The following NRG4 variants were observed in gnomAD, a reference collection of about 807,000 sequenced individuals.
The protein encoded by NRG4 is neuregulin 4, also known as pro-neuregulin-4, membrane-bound isoform.
NRG4 carries 10 observed loss-of-function variants against 15.0 expected under a neutral mutation model. That is an observed-to-expected ratio of 0.67 (90% CI 0.41 to 1.13). The LOEUF (loss-of-function observed/expected upper bound fraction) is 1.13, where lower values mean the gene tolerates loss of function less well. Ranked by LOEUF, NRG4 falls within the 50% of genes most tolerant of loss-of-function variation. The pLI is 0.00. For missense variants in NRG4, 139 were observed against 140.2 expected, an observed-to-expected ratio of 0.99 and a Z score of 0.04; for synonymous variants, 41 against 50.1, an observed-to-expected ratio of 0.82 and a Z score of 0.77.
In NRG4 at chr15:75,941,927, A is replaced by C. The variant is rs1236739227; in HGVS notation, c.*1711T>G. Reference sequence around the variant, plus strand: ...TCTTACGTACATTTTGCCACAGTAAATTTTTAAACCACCAAAAAAAAAAAA... The same window carrying C: ...TCTTACGTACATTTTGCCACAGTAACTTTTTAAACCACCAAAAAAAAAAAA... On this transcript the variant is annotated 3_prime_UTR_variant, in exon 6 of 6. Transcript: ENST00000394907. 1 of 91,776 alleles carries C rather than the reference A, an allele frequency of 1.1e-5. No homozygotes were observed. Among genetic ancestry groups the C allele is most frequent in the Non-Finnish European group, 2.1e-5 (1 of 48,608 alleles). 5.7% of individuals were successfully genotyped at this position (91,776 alleles called of 1,614,324 possible).
chr15:75,952,543 T>C lies in NRG4; in HGVS notation c.331+3389A>G, dbSNP rs1335514206. Reference sequence around the variant, plus strand: ...TATTATAAATAATGCTGCTATGTGCTACGAACATTCATGTGCATTTTTTTT... The same window carrying C: ...TATTATAAATAATGCTGCTATGTGCCACGAACATTCATGTGCATTTTTTTT... On this transcript the variant is annotated intron_variant, in intron 5 of 5. Transcript: ENST00000394907. 2.0e-5 allele frequency among the ~76,000 whole-genome samples: 3 copies of C among 150,542 alleles called. No homozygotes were observed. The East Asian group carries it at 5.9e-4, about 30-fold the overall frequency.
At chr15:76,053,806 C>T (rs932309376) in intron 2 of NRG4, among the ~76,000 whole-genome samples, 1 of 150,956 alleles carries the variant, frequency 6.6e-6, no homozygotes, top group African/African-American at 2.5e-5. Context: ...TCTGGGATTA[C>T]AGGCGTGAGC....
At chr15:76,047,963 C>A (rs2141961236) in intron 4 of NRG4, among the ~76,000 whole-genome samples, 1 of 149,582 alleles carries the variant, frequency 6.7e-6, no homozygotes, top group Admixed American at 6.6e-5. Flanking sequence ...CAAGACCAGC[C>A]TGGGCAACAT....
At chr15:76,028,031 G>T (rs1217219581) in intron 5 of NRG4, among the ~76,000 whole-genome samples, 1 of 151,688 alleles carries the variant, frequency 6.6e-6, no homozygotes, top group Non-Finnish European at 1.5e-5. Context: ...CAGTATTAAG[G>T]GGCAAGTTTA....
At chr15:76,052,142 C>A (rs1047614470) in exon 4 of NRG4, 1 of 151,004 alleles carries the variant, frequency 6.6e-6, no homozygotes, top group African/African-American at 2.5e-5. Context: ...TTATGGTTCA[C>A]CACTATTTCT....
chr15:75,980,181 G>T (rs1349562451), intron 3 of NRG4, among the ~76,000 whole-genome samples: 1 of 152,026 alleles, frequency 6.6e-6, no homozygotes, highest in Non-Finnish European at 1.5e-5. Context: ...TAGTATAAAA[G>T]TTCATTTCAG....
At chr15:75,985,087 TG>T (rs1307263861) in intron 3 of NRG4, among the ~76,000 whole-genome samples, 1 of 152,104 alleles carries the variant, frequency 6.6e-6, no homozygotes, top group African/African-American at 2.4e-5. Flanking sequence ...TCAAGTGGTC[TG>T]CTTGCCTCAG....
At chr15:75,966,135 CA>C (rs141338540) in intron 3 of NRG4, among the ~76,000 whole-genome samples, 37,260 of 151,926 alleles carry the variant, frequency 0.25, 5,453 homozygotes, top group Non-Finnish European at 0.33. Context: ...CTCCCAAACA[CA>C]GAAGCTACGT....
chr15:75,989,340 G>A (rs2033920919), intron 3 of NRG4, among the ~76,000 whole-genome samples: 1 of 152,052 alleles, frequency 6.6e-6, no homozygotes, highest in African/African-American at 2.4e-5. Flanking sequence ...CATGTAGCGT[G>A]GCCTACCGAT....
intron 3 of NRG4, among the ~76,000 whole-genome samples, chr15:75,997,371 T>C (rs903721205): frequency 6.6e-6 from 1 of 152,072 alleles, no homozygotes; most frequent in Non-Finnish European, 1.5e-5. Context: ...TTTTAGTGAT[T>C]GAAATTTCCA....
At chr15:75,955,581 T>G (rs2032186386) in intron 5 of NRG4, among the ~76,000 whole-genome samples, 2 of 152,192 alleles carry the variant, frequency 1.3e-5, no homozygotes, top group Admixed American at 6.5e-5. Flanking sequence ...TCCCAAAGAT[T>G]TGCTGATCTT....
chr15:75,963,157 T>C (rs892704002), intron 3 of NRG4, among the ~76,000 whole-genome samples: 31 of 152,166 alleles, frequency 2.0e-4, no homozygotes, highest in African/African-American at 7.5e-4. Flanking sequence ...TAGATGAGCA[T>C]ATTAAAGATG....
intron 4 of NRG4, among the ~76,000 whole-genome samples, chr15:76,042,265 AAAAG>A (rs2035759935): frequency 6.6e-6 from 1 of 152,120 alleles, no homozygotes; most frequent in Non-Finnish European, 1.5e-5. Context: ...TGAAGCATCT[AAAAG>A]AAATAGAAAA....
intron 5 of NRG4, among the ~76,000 whole-genome samples, chr15:75,955,367 T>C (rs1056388126): frequency 6.6e-6 from 1 of 152,186 alleles, no homozygotes; most frequent in African/African-American, 2.4e-5. Flanking sequence ...GCTTACCTAG[T>C]CTATTGCCAT....
chr15:76,040,084 A>G (rs1015313892), intron 4 of NRG4, among the ~76,000 whole-genome samples: 1 of 152,126 alleles, frequency 6.6e-6, no homozygotes, highest in Non-Finnish European at 1.5e-5. Flanking sequence ...AGGCAAGCAG[A>G]TTTAACCCAA....
intron 5 of NRG4, among the ~76,000 whole-genome samples, chr15:76,028,686 G>A (rs1331525079): frequency 6.6e-6 from 1 of 151,808 alleles, no homozygotes; most frequent in African/African-American, 2.4e-5. Flanking sequence ...GATCACTTAA[G>A]GCCAGGAGTT....
intron 3 of NRG4, among the ~76,000 whole-genome samples, chr15:75,972,085 A>G (rs1164976477): frequency 6.6e-6 from 1 of 152,142 alleles, no homozygotes; most frequent in Non-Finnish European, 1.5e-5. Flanking sequence ...ATGGTATCTC[A>G]TTGTGGTTTT....
intron 3 of NRG4, among the ~76,000 whole-genome samples, chr15:75,967,580 G>A (rs1275956533): frequency 6.8e-6 from 1 of 148,034 alleles, no homozygotes; most frequent in East Asian, 2.0e-4. Context: ...TCCTGCTTCA[G>A]CCTCCTGAGT....
chr15:75,969,149 A>G (rs562282586), intron 3 of NRG4: 15 of 456,002 alleles, frequency 3.3e-5, no homozygotes, highest in African/African-American at 3.0e-4. Flanking sequence ...TTCAGGTCTC[A>G]ACAACCTTCT....
Sources: allele counts gnomAD v4.1 joint callset (sites outside exome capture counted in the v4.1 genomes callset), GRCh38; gene constraint gnomAD v4.1.1; transcripts MANE v1.5; gene names NCBI Gene and HGNC (gene_info 2026-07-23, HGNC 2026-07-21).